Variants in EYS observed in about 807,000 individuals in gnomAD.
EYS encodes the protein protein eyes shut homolog.
EYS carries 250 observed loss-of-function variants against 282.1 expected under a neutral mutation model. The observed-to-expected ratio is 0.89, with a 90% CI of 0.80 to 0.98. The LOEUF is 0.98. EYS is among the 50% of genes least tolerant of loss of function. The probability of loss-of-function intolerance (pLI) is 0.00; values close to 1 mark genes in which losing one functional copy is unlikely to be tolerated. For synonymous variants in EYS, 1,355 were observed against 1,282.9 expected, an observed-to-expected ratio of 1.06 and a Z score of -1.20; for missense variants, 4,016 against 3,709.0, an observed-to-expected ratio of 1.08 and a Z score of -2.15.
At chr6:64,869,526 A>G (rs1007153927) in intron 19 of EYS, among the ~76,000 whole-genome samples, 2 of 151,648 alleles carry the variant, frequency 1.3e-5, no homozygotes, top group Non-Finnish European at 3.0e-5. Context: ...CATCATAAAG[A>G]GTTCCCTTTT....
At chr6:65,390,234 T>C (rs1419690658) in intron 7 of EYS, among the ~76,000 whole-genome samples, 1 of 151,380 alleles carries the variant, frequency 6.6e-6, no homozygotes, top group Non-Finnish European at 1.5e-5. Context: ...CCAAGAGGGA[T>C]ACCAAAGTTA....
intron 31 of EYS, among the ~76,000 whole-genome samples, chr6:64,161,020 A>C (rs1307794104): frequency 6.6e-6 from 1 of 152,226 alleles, no homozygotes; most frequent in Non-Finnish European, 1.5e-5. Flanking sequence ...TATTCATTTC[A>C]TTAAAAAATC....
chr6:63,833,679 T>C (rs1355501617), intron 36 of EYS, among the ~76,000 whole-genome samples: 1 of 152,256 alleles, frequency 6.6e-6, no homozygotes, highest in East Asian at 1.9e-4. Flanking sequence ...AAGCTACCAA[T>C]GACTTCCTTC....
At chr6:64,873,505 A>C (rs1425305667) in intron 19 of EYS, among the ~76,000 whole-genome samples, 4 of 152,046 alleles carry the variant, frequency 2.6e-5, no homozygotes, top group Admixed American at 2.6e-4. Flanking sequence ...ACAGAGAGTT[A>C]AAAGGCAGTT....
chr6:64,894,385 C>G (rs1008340711), intron 18 of EYS, among the ~76,000 whole-genome samples: 1 of 152,088 alleles, frequency 6.6e-6, no homozygotes, highest in African/African-American at 2.4e-5. Context: ...ACAGAGTGGA[C>G]ATCAGTGGAC....
chr6:64,172,840 A>G (rs1173072389), intron 31 of EYS, among the ~76,000 whole-genome samples: 1 of 152,194 alleles, frequency 6.6e-6, no homozygotes, highest in African/African-American at 2.4e-5. Flanking sequence ...CAAGGGATCA[A>G]GGTTGCAAGC....
At chr6:63,910,476 T>G (rs1300469464) in intron 35 of EYS, among the ~76,000 whole-genome samples, 1 of 152,184 alleles carries the variant, frequency 6.6e-6, no homozygotes, top group Non-Finnish European at 1.5e-5. Flanking sequence ...TCTTTGGAAT[T>G]GTGTACTTTA....
At chr6:65,031,174 T>TACACACAC (rs3033917) in intron 13 of EYS, among the ~76,000 whole-genome samples, 6 of 146,612 alleles carry the variant, frequency 4.1e-5, no homozygotes, top group African/African-American at 1.5e-4. Context: ...CACACGCACA[T>TACACACAC]ACACACACAC....
At chr6:64,581,062 A>G (rs1766044220) in intron 26 of EYS, among the ~76,000 whole-genome samples, 1 of 152,180 alleles carries the variant, frequency 6.6e-6, no homozygotes, top group East Asian at 1.9e-4. Context: ...AATAAATAGT[A>G]CAAAATAAGA....
chr6:64,751,249 C>T (rs1052755094), intron 22 of EYS, among the ~76,000 whole-genome samples: 4 of 152,292 alleles, frequency 2.6e-5, no homozygotes, highest in Admixed American at 6.5e-5. Context: ...TTAAGCTGCC[C>T]CACCCCTCCC....
chr6:63,942,312 C>T (rs138206796), intron 35 of EYS, among the ~76,000 whole-genome samples: 4 of 152,230 alleles, frequency 2.6e-5, no homozygotes, highest in African/African-American at 9.6e-5. Context: ...TCCAGATAGG[C>T]ATGACTTCAC....
chr6:64,898,528 G>A (rs975434485), intron 18 of EYS, among the ~76,000 whole-genome samples: 7 of 152,014 alleles, frequency 4.6e-5, no homozygotes, highest in Admixed American at 6.6e-5. Flanking sequence ...TTGACACTAC[G>A]AAGAAACTGC....
intron 31 of EYS, among the ~76,000 whole-genome samples, chr6:64,107,015 T>C (rs2150263154): frequency 6.6e-6 from 1 of 151,686 alleles, no homozygotes; most frequent in African/African-American, 2.4e-5. Flanking sequence ...CTAATATTCC[T>C]TTTTATTCTT....
At chr6:64,760,782 C>T (rs1373142610) in intron 22 of EYS, among the ~76,000 whole-genome samples, 1 of 152,156 alleles carries the variant, frequency 6.6e-6, no homozygotes, top group Non-Finnish European at 1.5e-5. Flanking sequence ...GGCTGACATT[C>T]AGCCAGCCAT....
At chr6:64,011,033 T>A (rs1768595186) in intron 33 of EYS, among the ~76,000 whole-genome samples, 1 of 152,092 alleles carries the variant, frequency 6.6e-6, no homozygotes, top group African/African-American at 2.4e-5. Context: ...TATCAGATCT[T>A]TCACAAATCT....
chr6:64,124,608 C>T (rs76146913), intron 31 of EYS, among the ~76,000 whole-genome samples: 10,300 of 152,124 alleles, frequency 0.068, 1,056 homozygotes, highest in African/African-American at 0.23. Flanking sequence ...TTCTAGGCTC[C>T]CCCTAGACCA....
At chr6:63,907,833 T>G (rs1016666408) in intron 35 of EYS, among the ~76,000 whole-genome samples, 1 of 151,986 alleles carries the variant, frequency 6.6e-6, no homozygotes, top group African/African-American at 2.4e-5. Flanking sequence ...TGTGTATACA[T>G]TATTTAGCTC....
At chr6:63,737,610 G>T (rs530205303) in intron 41 of EYS, among the ~76,000 whole-genome samples, 1 of 152,304 alleles carries the variant, frequency 6.6e-6, no homozygotes, top group East Asian at 1.9e-4. Context: ...CATAAAATGG[G>T]TTAGGGAGGA....
chr6:65,577,876 C>T (rs1764731103), intron 2 of EYS, among the ~76,000 whole-genome samples: 3 of 151,498 alleles, frequency 2.0e-5, no homozygotes, highest in Non-Finnish European at 4.4e-5. Flanking sequence ...AATCAATCCA[C>T]AATGAGATCT....
Sources: allele counts gnomAD v4.1 joint callset (sites outside exome capture counted in the v4.1 genomes callset), GRCh38; gene constraint gnomAD v4.1.1; transcripts MANE v1.5; gene names NCBI Gene and HGNC (gene_info 2026-07-23, HGNC 2026-07-21).